The following PTPRK variants were observed in gnomAD, a reference collection of about 807,000 sequenced individuals.
The protein encoded by PTPRK is receptor-type tyrosine-protein phosphatase kappa.
A neutral mutation model predicts 178.0 loss-of-function variants in PTPRK; 75 were observed. That is an observed-to-expected ratio of 0.42 (90% CI 0.35 to 0.51). PTPRK has a LOEUF of 0.51. PTPRK is among the 20% of genes least tolerant of loss of function. The pLI is 0.02. For missense variants in PTPRK, 1,441 were observed against 1,797.8 expected (o/e 0.80, Z 3.59); for synonymous variants, 637 against 620.6 (o/e 1.03, Z -0.39).
At chr6:128,437,532 C>T (rs1188671088) in intron 1 of PTPRK, among the ~76,000 whole-genome samples, 1 of 152,086 alleles carries the variant, frequency 6.6e-6, no homozygotes, top group African/African-American at 2.4e-5. Flanking sequence ...AACCCTTTTC[C>T]GGTGACATTA....
chr6:128,008,006 C>T (rs755354443), intron 14 of PTPRK: 21 of 1,260,000 alleles, frequency 1.7e-5, no homozygotes, highest in East Asian at 9.8e-5. Flanking sequence ...GGGGAAAGCA[C>T]GTATGTAGCT....
chr6:128,233,726 A>G (rs953476238), intron 5 of PTPRK, among the ~76,000 whole-genome samples: 1 of 152,150 alleles, frequency 6.6e-6, no homozygotes, highest in Admixed American at 6.5e-5. Flanking sequence ...ACCTGCGGCG[A>G]TTACTGACAG....
At chr6:128,071,823 T>G (rs1222704461) in intron 11 of PTPRK, among the ~76,000 whole-genome samples, 1 of 152,118 alleles carries the variant, frequency 6.6e-6, no homozygotes, top group African/African-American at 2.4e-5. Flanking sequence ...GAAACTATCT[T>G]TCCTTCATTG....
intron 6 of PTPRK, among the ~76,000 whole-genome samples, chr6:128,199,584 G>A (rs1805533880): frequency 6.8e-6 from 1 of 147,422 alleles, no homozygotes; most frequent in South Asian, 2.2e-4. Flanking sequence ...AGGGAGGGAG[G>A]GAGGGAGGGA....
chr6:128,422,988 G>A (rs1177462924), intron 1 of PTPRK, among the ~76,000 whole-genome samples: 1 of 152,160 alleles, frequency 6.6e-6, no homozygotes, highest in African/African-American at 2.4e-5. Context: ...AATTTGGGAA[G>A]TCCAGCATCT....
chr6:128,437,333 C>T (rs1333529778), intron 1 of PTPRK, among the ~76,000 whole-genome samples: 1 of 152,170 alleles, frequency 6.6e-6, no homozygotes, highest in African/African-American at 2.4e-5. Flanking sequence ...TACATCAAAA[C>T]CTATTTATAT....
intron 7 of PTPRK, among the ~76,000 whole-genome samples, chr6:128,149,287 GAACTTA>G (rs917177415): frequency 1.1e-4 from 16 of 151,446 alleles, no homozygotes; most frequent in African/African-American, 3.9e-4. Context: ...ATGTACCCTA[GAACTTA>G]AAGTATAATA....
chr6:127,995,509 C>T lies in PTPRK; in HGVS notation c.2797G>A (p.Val933Ile), dbSNP rs567633729. The T allele has an allele frequency of 1.6e-5, 25 of 1,597,562 alleles. No individual in the cohort carries two copies. The East Asian group carries it at 1.6e-4, about 10-fold the overall frequency. ...YDHSRVILQP[V>I]EDDPSSDYIN... Reference sequence around the variant, plus strand: ...TAATCTGAGGAAGGATCATCCTCTACGGGTTGCAAAATCACTCTGGAGTGA... The same window carrying T: ...TAATCTGAGGAAGGATCATCCTCTATGGGTTGCAAAATCACTCTGGAGTGA... The change falls in exon 18 of 30, where the codon GTA becomes ATA. Residue 933 changes from valine (V) to isoleucine (I), a missense_variant. Val to Ile is a conservative substitution (Grantham distance 29, BLOSUM62 3). Transcript: ENST00000368226.
intron 3 of PTPRK, among the ~76,000 whole-genome samples, chr6:128,291,377 T>C (rs377283634): frequency 3.3e-5 from 5 of 152,156 alleles, no homozygotes; most frequent in African/African-American, 1.2e-4. Context: ...ATGAGACCCA[T>C]GTCAGGCTAC....
At chr6:128,448,335 T>C (rs1033655125) in intron 1 of PTPRK, among the ~76,000 whole-genome samples, 22 of 152,218 alleles carry the variant, frequency 1.4e-4, no homozygotes, top group African/African-American at 5.1e-4. Context: ...TCTGAGTATA[T>C]AATTCCAACT....
At chr6:128,368,959 A>AC (rs1835896189) in intron 2 of PTPRK, among the ~76,000 whole-genome samples, 1 of 151,962 alleles carries the variant, frequency 6.6e-6, no homozygotes, top group African/African-American at 2.4e-5. Flanking sequence ...ACAAAAAAAA[A>AC]AACACACACA....
At chr6:127,985,983 A>G in intron 21 of PTPRK, 108 bp from the exon 22 acceptor site, 1 of 1,098,588 alleles carries the variant, frequency 9.1e-7, no homozygotes, top group South Asian at 2.3e-5. Context: ...TAACAATAAA[A>G]CCTTTACGAA....
chr6:128,075,192 C>T (rs1252845717), intron 11 of PTPRK, among the ~76,000 whole-genome samples: 3 of 152,010 alleles, frequency 2.0e-5, no homozygotes, highest in African/African-American at 4.8e-5. Context: ...CTTAAAATGG[C>T]CCATTAGCAC....
rs917986007 is a variant in PTPRK, at chr6:128,103,604, G to A, written c.1163-13612C>T. On this transcript the variant is annotated intron_variant, in intron 7 of 29. Transcript: ENST00000368226. ...GCCACACCCCTGTTGAACATCCTGC[G>A]ATAGGGGTCACAGAACTCTCCCACT... is the stretch of plus-strand genomic sequence containing the variant. 5.3e-5 allele frequency among the ~76,000 whole-genome samples: 8 copies of A among 152,132 alleles called. No homozygotes were observed. The East Asian group carries it at 5.8e-4, about 11-fold the overall frequency.
intron 7 of PTPRK, among the ~76,000 whole-genome samples, chr6:128,156,918 CTG>C (rs1167264885): frequency 5.3e-5 from 8 of 151,986 alleles, no homozygotes; most frequent in Admixed American, 5.3e-4. Flanking sequence ...CTTTTAATAA[CTG>C]TGTGACCCAA....
intron 3 of PTPRK, among the ~76,000 whole-genome samples, chr6:128,263,209 G>T (rs1336342086): frequency 6.6e-6 from 1 of 152,152 alleles, no homozygotes; most frequent in East Asian, 1.9e-4. Context: ...TCATGACAGA[G>T]TTCTTGGGAG....
intron 7 of PTPRK, among the ~76,000 whole-genome samples, chr6:128,157,202 A>C (rs1421627896): frequency 6.6e-6 from 1 of 151,998 alleles, no homozygotes; most frequent in African/African-American, 2.4e-5. Context: ...AGAATTAATA[A>C]GCTTTCATGT....
chr6:128,075,637 T>C (rs935705592), intron 11 of PTPRK, among the ~76,000 whole-genome samples: 3 of 152,112 alleles, frequency 2.0e-5, no homozygotes, highest in Admixed American at 1.3e-4. Flanking sequence ...AGTAGATTTC[T>C]ATTTCAAGTA....
chr6:127,985,953 A>G, intron 21 of PTPRK, 78 bp from the exon 22 acceptor site: 1 of 1,358,284 alleles, frequency 7.4e-7, no homozygotes, highest in East Asian at 2.3e-5. Context: ...AATTATGGGT[A>G]CAGACCCAAC....
Sources: gnomAD v4.1 joint callset for allele counts (sites outside exome capture counted in the v4.1 genomes callset) on GRCh38, gnomAD v4.1.1 for gene constraint, MANE v1.5 for transcripts, NCBI Gene and HGNC (gene_info 2026-07-23, HGNC 2026-07-21) for gene names.